Variants in ELK3 observed in about 807,000 individuals in gnomAD.
ELK3 encodes ETS domain-containing protein Elk-3.
In ELK3, 10 loss-of-function variants were observed where a neutral mutation model predicts 28.9. The ratio of observed to expected loss-of-function variants is 0.35; its 90% CI spans 0.21 to 0.59. The LOEUF (loss-of-function observed/expected upper bound fraction) is 0.59, where lower values mean the gene tolerates loss of function less well. Among genes scored for constraint, ELK3 ranks in the 20% least tolerant of loss-of-function variants. The pLI is 0.82. For synonymous variants in ELK3, 272 were observed against 243.5 expected, an observed-to-expected ratio of 1.12 and a Z score of -1.09; for missense variants, 463 against 517.3, an observed-to-expected ratio of 0.90 and a Z score of 1.02.
At chr12:96,205,841 C>T (rs1951535196) in intron 1 of ELK3, among the ~76,000 whole-genome samples, 1 of 152,210 alleles carries the variant, frequency 6.6e-6, no homozygotes, top group Non-Finnish European at 1.5e-5. Context: ...ACAGAAGAGC[C>T]AGTCAGCCAC....
intron 2 of ELK3, among the ~76,000 whole-genome samples, chr12:96,239,654 T>C (rs1480938211): frequency 6.6e-6 from 1 of 152,178 alleles, no homozygotes; most frequent in African/African-American, 2.4e-5. Context: ...ATAAATGCAT[T>C]GTCTCGTGTG....
chr12:96,243,604 C>T (rs1951836315), intron 2 of ELK3, among the ~76,000 whole-genome samples: 1 of 152,056 alleles, frequency 6.6e-6, no homozygotes, highest in African/African-American at 2.4e-5. Flanking sequence ...AATCCCAGCA[C>T]TTTGGGAGGC....
intron 1 of ELK3, among the ~76,000 whole-genome samples, chr12:96,201,668 A>G (rs372719237): frequency 1.1e-4 from 16 of 151,392 alleles, no homozygotes; most frequent in South Asian, 4.2e-4. Context: ...GTGTACTGCT[A>G]TATTTGGAGG....
chr12:96,207,972 TA>T (rs1395296361), intron 1 of ELK3, among the ~76,000 whole-genome samples: 2 of 152,242 alleles, frequency 1.3e-5, no homozygotes, highest in Non-Finnish European at 2.9e-5. Context: ...AAAGAGGGAT[TA>T]AAAATAGTTT....
At position 96,268,613 on chromosome 12, in the gene ELK3, TTAACTA is replaced by T. The variant is rs1357466211; in HGVS notation, c.*1437_*1442del. ...TTAAATTCAAGATTAATTACAATCC[TTAACTA>T]TAAGTGATGATAAAAACTAACTTGA... On this transcript the variant is annotated 3_prime_UTR_variant, in exon 5 of 5. Coordinates refer to ENST00000228741, the MANE Select transcript of ELK3 (RefSeq NM_005230.4). 1 of 152,184 alleles carries T rather than the reference TTAACTA, an allele frequency of 6.6e-6. No homozygotes were observed. 9.4% of individuals were successfully genotyped at this position (152,184 alleles called of 1,614,324 possible).
intron 1 of ELK3, among the ~76,000 whole-genome samples, chr12:96,213,062 A>G (rs1267559000): frequency 1.3e-5 from 2 of 152,198 alleles, no homozygotes; most frequent in Non-Finnish European, 2.9e-5. Flanking sequence ...AAGTGAAATG[A>G]TGGCTAAAAA....
In ELK3 at chr12:96,268,861, C is replaced by CT. The variant is rs372780796; in HGVS notation, c.*1682dup. 3.9e-4 allele frequency: 60 copies of CT among 152,324 alleles called. No homozygotes were observed. Among genetic ancestry groups the CT allele is most frequent in the African/African-American group, 1.4e-3 (59 of 41,562 alleles). 9.4% of individuals were successfully genotyped at this position (152,324 alleles called of 1,614,324 possible). A position where few individuals can be genotyped will look rare whatever the true frequency, so the allele number is the denominator to read the frequency against. ...ATCAAGGGATAAAAATCCAAACACT[C>CT]TAACATGCCTCCTTGACTGTAAAGT... On this transcript the variant is annotated 3_prime_UTR_variant, in exon 5 of 5. Coordinates refer to ENST00000228741, the MANE Select transcript of ELK3 (RefSeq NM_005230.4).
Position 96,269,611 on chromosome 12 carries a change from G to T in ELK3, c.*2431G>T, listed in dbSNP as rs1952070208. ...TGTGTTAGCAGAGGTATTTTACTCA[G>T]AAAATAGGTTTCAAAGAACATTAAT... is the stretch of plus-strand genomic sequence containing the variant. On this transcript the variant is annotated 3_prime_UTR_variant, in exon 5 of 5. Transcript: ENST00000228741. The T allele has an allele frequency of 1.3e-5, 2 of 152,184 alleles. No homozygotes were observed. The highest frequency in any genetic ancestry group is 4.1e-4 in the South Asian group (2 of 4,830). 9.4% of individuals were successfully genotyped at this position (152,184 alleles called of 1,614,324 possible). A position where few individuals can be genotyped will look rare whatever the true frequency, so the allele number is the denominator to read the frequency against.
At chr12:96,201,591 A>G (rs1951508292) in intron 1 of ELK3, among the ~76,000 whole-genome samples, 1 of 151,932 alleles carries the variant, frequency 6.6e-6, no homozygotes, top group Admixed American at 6.6e-5. Context: ...AAAAAAAAAA[A>G]AAAAAAAAAA....
At chr12:96,245,661 G>T (rs1951850211) in intron 2 of ELK3, among the ~76,000 whole-genome samples, 1 of 152,110 alleles carries the variant, frequency 6.6e-6, no homozygotes, top group African/African-American at 2.4e-5. Context: ...TTTTGTGCTT[G>T]AGAGAGACCA....
chr12:96,234,725 A>G (rs897242864), intron 2 of ELK3, among the ~76,000 whole-genome samples: 5 of 152,174 alleles, frequency 3.3e-5, no homozygotes, highest in Non-Finnish European at 5.9e-5. Context: ...TATTGAGCCC[A>G]TTGTAGAGGT....
chr12:96,243,595 A>G (rs965135981), intron 2 of ELK3, among the ~76,000 whole-genome samples: 2 of 152,100 alleles, frequency 1.3e-5, no homozygotes, highest in African/African-American at 4.8e-5. Flanking sequence ...CACGCCTGTA[A>G]TCCCAGCACT....
intron 2 of ELK3, among the ~76,000 whole-genome samples, chr12:96,245,397 C>T (rs1028487850): frequency 6.6e-6 from 1 of 152,048 alleles, no homozygotes; most frequent in African/African-American, 2.4e-5. Flanking sequence ...GGTTCTTGGG[C>T]AAATGACTCT....
chr12:96,206,692 G>A (rs1213491473), intron 1 of ELK3, among the ~76,000 whole-genome samples: 2 of 152,328 alleles, frequency 1.3e-5, no homozygotes, highest in East Asian at 3.9e-4. Context: ...GGAAGAGCAG[G>A]TAGAGTAATA....
At chr12:96,196,745 GTGTTTT>G (rs923179943) in intron 1 of ELK3, among the ~76,000 whole-genome samples, 3 of 50,250 alleles carry the variant, frequency 6.0e-5, no homozygotes, top group African/African-American at 2.9e-4. Flanking sequence ...CCCTCTAAAA[GTGTTTT>G]TTTTTTTTTT....
At chr12:96,215,782 C>T (rs1340664418) in intron 1 of ELK3, among the ~76,000 whole-genome samples, 2 of 151,784 alleles carry the variant, frequency 1.3e-5, no homozygotes, top group African/African-American at 4.8e-5. Flanking sequence ...TGGACAGGCG[C>T]GGACCACCAG....
At chr12:96,205,084 G>A (rs1951531358) in intron 1 of ELK3, among the ~76,000 whole-genome samples, 3 of 152,274 alleles carry the variant, frequency 2.0e-5, no homozygotes, top group African/African-American at 4.8e-5. Context: ...CACTACCCAT[G>A]TAGGATTGAA....
rs138151504 is a variant in ELK3 at position 96,223,650 on chromosome 12, G to C, written c.84G>C (p.Ser28=). ...QKHEHLICWT[S]NDGEFKLLKA... ...ATGAGCATTTGATCTGCTGGACCTC[G>C]AACGATGGTGAATTCAAGCTCCTCA... Residue 28 remains serine (S), a synonymous_variant, in exon 2 of 5, where the codon TCG becomes TCC. Coordinates refer to ENST00000228741, the MANE Select transcript of ELK3 (RefSeq NM_005230.4). 3.1e-6 allele frequency: 5 copies of C among 1,614,026 alleles called. No individual in the cohort carries two copies. In the Admixed American group the frequency reaches 8.3e-5, roughly 27 times the overall value.
chr12:96,221,587 C>T (rs371779141), intron 1 of ELK3, among the ~76,000 whole-genome samples: 4 of 152,192 alleles, frequency 2.6e-5, no homozygotes, highest in Non-Finnish European at 2.9e-5. Flanking sequence ...CAAGAATTTG[C>T]GACAACTGTT....
Sources: allele counts gnomAD v4.1 joint callset (sites outside exome capture counted in the v4.1 genomes callset), GRCh38; gene constraint gnomAD v4.1.1; transcripts MANE v1.5; gene names NCBI Gene and HGNC (gene_info 2026-07-23, HGNC 2026-07-21).